Variants in RAB38 observed in about 807,000 individuals in gnomAD.
RAB38 encodes RAB38, member RAS oncogene family, also known as ras-related protein Rab-38.
RAB38 carries 15 observed loss-of-function variants against 18.4 expected under a neutral mutation model. That is an observed-to-expected ratio of 0.82 (90% CI 0.55 to 1.26). The LOEUF is 1.26. Ranked by LOEUF, RAB38 falls within the 50% of genes most tolerant of loss-of-function variation. The probability of loss-of-function intolerance (pLI) is 0.00; values close to 1 mark genes in which losing one functional copy is unlikely to be tolerated. For synonymous variants in RAB38, 101 were observed against 104.4 expected, an observed-to-expected ratio of 0.97 and a Z score of 0.20; for missense variants, 294 against 267.4, an observed-to-expected ratio of 1.10 and a Z score of -0.69.
chr11:88,039,699 C>G, the RAB38 span, among the ~76,000 whole-genome samples: 1 of 152,142 alleles, frequency 6.6e-6, no homozygotes, highest in Non-Finnish European at 1.5e-5. Context: ...ACAATAGGAC[C>G]TAAATAGGCA....
chr11:88,025,816 G>A, the RAB38 span, among the ~76,000 whole-genome samples: 1 of 152,096 alleles, frequency 6.6e-6, no homozygotes, highest in Non-Finnish European at 1.5e-5. Flanking sequence ...TTCCCATTCT[G>A]TAGGCTGTCT....
chr11:88,017,724 T>TTATATA, the RAB38 span, among the ~76,000 whole-genome samples: 1 of 145,174 alleles, frequency 6.9e-6, no homozygotes, highest in African/African-American at 2.5e-5. Flanking sequence ...ATAATATATA[T>TTATATA]TATATATATA....
chr11:87,926,257 G>C, the RAB38 span, among the ~76,000 whole-genome samples: 1 of 151,896 alleles, frequency 6.6e-6, no homozygotes, highest in Non-Finnish European at 1.5e-5. Flanking sequence ...TGCTTCAAAA[G>C]CTTCAAACCT....
the RAB38 span, among the ~76,000 whole-genome samples, chr11:87,843,370 C>T: frequency 2.0e-5 from 3 of 152,106 alleles, no homozygotes; most frequent in African/African-American, 7.2e-5. Flanking sequence ...TTATGATGTG[C>T]AGGTTAAGTA....
At chr11:87,914,080 T>C in the RAB38 span, among the ~76,000 whole-genome samples, 2 of 151,918 alleles carry the variant, frequency 1.3e-5, no homozygotes, top group Admixed American at 6.6e-5. Flanking sequence ...GATTTCAAAT[T>C]GGGTAATGAG....
At chr11:87,966,580 C>G in the RAB38 span, among the ~76,000 whole-genome samples, 1 of 152,100 alleles carries the variant, frequency 6.6e-6, no homozygotes, top group East Asian at 1.9e-4. Flanking sequence ...TCCTCCCACC[C>G]CATATAGTAA....
At chr11:87,890,058 A>G in the RAB38 span, among the ~76,000 whole-genome samples, 1 of 151,892 alleles carries the variant, frequency 6.6e-6, no homozygotes, top group Non-Finnish European at 1.5e-5. Flanking sequence ...TACTCCAGTA[A>G]TTAGATATAA....
the RAB38 span, among the ~76,000 whole-genome samples, chr11:87,955,272 T>A: frequency 6.6e-6 from 1 of 152,232 alleles, no homozygotes; most frequent in Non-Finnish European, 1.5e-5. Context: ...AAAGGAAATA[T>A]ATTTCCTCTC....
chr11:87,894,000 T>C, the RAB38 span, among the ~76,000 whole-genome samples: 5 of 151,650 alleles, frequency 3.3e-5, no homozygotes, highest in Admixed American at 3.3e-4. Context: ...GCAGATAACT[T>C]TGGGTAGTAG....
the RAB38 span, among the ~76,000 whole-genome samples, chr11:87,805,700 TACATATATGTGTATACACAC>T: frequency 6.6e-6 from 1 of 151,772 alleles, no homozygotes; most frequent in East Asian, 1.9e-4. Context: ...CATATACACA[TACATATATGTGTATACACAC>T]ACATATATAC....
chr11:88,063,586 C>G, the RAB38 span, among the ~76,000 whole-genome samples: 1 of 152,292 alleles, frequency 6.6e-6, no homozygotes, highest in South Asian at 2.1e-4. Flanking sequence ...TGGTTTGGCT[C>G]TGTCCCCACC....
the RAB38 span, among the ~76,000 whole-genome samples, chr11:88,076,303 C>T: frequency 2.0e-5 from 3 of 152,012 alleles, no homozygotes; most frequent in Non-Finnish European, 4.4e-5. Context: ...ACATAACAAA[C>T]CTACAGCTAA....
the RAB38 span, among the ~76,000 whole-genome samples, chr11:87,942,804 G>A: frequency 2.0e-5 from 3 of 152,162 alleles, 1 homozygote; most frequent in Admixed American, 2.0e-4. Flanking sequence ...CCACAAGTCT[G>A]TGTGTGAAGT....
the RAB38 span, among the ~76,000 whole-genome samples, chr11:88,102,666 T>C: frequency 6.6e-6 from 1 of 152,058 alleles, no homozygotes. Context: ...GTTAAGGAGA[T>C]TGCTCAAGAA....
chr11:88,032,216 T>C, the RAB38 span, among the ~76,000 whole-genome samples: 5 of 152,174 alleles, frequency 3.3e-5, no homozygotes, highest in Non-Finnish European at 5.9e-5. Flanking sequence ...TTACACCTTA[T>C]ACAAAAATCA....
the RAB38 span, among the ~76,000 whole-genome samples, chr11:87,924,128 A>T: frequency 4.2e-3 from 635 of 152,086 alleles, 5 homozygotes; most frequent in Middle Eastern, 0.01. Context: ...ACACACCTGT[A>T]AGAAGGACAC....
At chr11:87,813,013 AG>A in the RAB38 span, among the ~76,000 whole-genome samples, 2 of 152,186 alleles carry the variant, frequency 1.3e-5, no homozygotes, top group African/African-American at 4.8e-5. Context: ...GTTTTTATCA[AG>A]AAAGATCCAG....
chr11:87,884,685 A>G, the RAB38 span, among the ~76,000 whole-genome samples: 1 of 151,914 alleles, frequency 6.6e-6, no homozygotes, highest in African/African-American at 2.4e-5. Context: ...TGATACTCCT[A>G]CTTTAGTCTC....
chr11:87,864,577 G>A, the RAB38 span, among the ~76,000 whole-genome samples: 4 of 151,364 alleles, frequency 2.6e-5, no homozygotes, highest in Admixed American at 6.6e-5. Context: ...TTACTTTTTT[G>A]ACAGCAAATG....
Sources: gnomAD v4.1 joint callset for allele counts (sites outside exome capture counted in the v4.1 genomes callset) on GRCh38, gnomAD v4.1.1 for gene constraint, MANE v1.5 for transcripts, NCBI Gene and HGNC (gene_info 2026-07-23, HGNC 2026-07-21) for gene names.